Variants in CFDP1 observed in about 807,000 individuals in gnomAD.
The protein encoded by CFDP1 is heterochromatin-stabilizing protein CFDP1.
A neutral mutation model predicts 40.1 loss-of-function variants in CFDP1; 31 were observed. The observed-to-expected ratio is 0.77, with a 90% CI of 0.58 to 1.04. CFDP1 has a LOEUF of 1.04. CFDP1 is among the 50% of genes least tolerant of loss of function. CFDP1 has a pLI of 0.00. For missense variants in CFDP1, 423 were observed against 343.4 expected (o/e 1.23, Z -1.83); for synonymous variants, 167 against 120.0 (o/e 1.39, Z -2.56).
chr16:75,356,911 CT>C (rs576406459), intron 5 of CFDP1, among the ~76,000 whole-genome samples: 26 of 80,666 alleles, frequency 3.2e-4, no homozygotes, highest in East Asian at 8.8e-4. Context: ...TGCTTTCTTT[CT>C]TTTTTTTTTT....
chr16:75,356,671 C>A (rs1479901950), intron 5 of CFDP1, among the ~76,000 whole-genome samples: 1 of 152,116 alleles, frequency 6.6e-6, no homozygotes, highest in Admixed American at 6.6e-5. Context: ...ATTGACTTCT[C>A]CTTCCGAGCT....
intron 4 of CFDP1, among the ~76,000 whole-genome samples, chr16:75,404,571 C>T (rs12443834): frequency 0.52 from 78,769 of 151,860 alleles, 21,488 homozygotes; most frequent in Admixed American, 0.64. Context: ...CCCATCAATG[C>T]TGAGTCTCTT....
At chr16:75,333,316 G>A (rs1387390082) in intron 5 of CFDP1, among the ~76,000 whole-genome samples, 1 of 150,828 alleles carries the variant, frequency 6.6e-6, no homozygotes, top group Admixed American at 6.6e-5. Context: ...GTAGAGACGG[G>A]GTTTCACCGT....
chr16:75,420,010 T>C (rs2079259063), intron 1 of CFDP1, among the ~76,000 whole-genome samples: 1 of 150,418 alleles, frequency 6.6e-6, no homozygotes, highest in Non-Finnish European at 1.5e-5. Flanking sequence ...GGTCTGGGTC[T>C]GGATCCCCTT....
intron 6 of CFDP1, 38 bp downstream of exon 6, chr16:75,304,986 T>C: frequency 1.9e-6 from 3 of 1,600,384 alleles, no homozygotes; most frequent in Non-Finnish European, 2.6e-6. Flanking sequence ...TTCAGGGTTC[T>C]GAGGATTTTC....
intron 5 of CFDP1, among the ~76,000 whole-genome samples, chr16:75,347,606 G>A (rs866415412): frequency 2.2e-4 from 34 of 152,224 alleles, no homozygotes; most frequent in African/African-American, 7.2e-4. Context: ...GTGAACCCGG[G>A]AGGCGGAGGT....
intron 5 of CFDP1, among the ~76,000 whole-genome samples, chr16:75,362,478 G>A (rs2059257): frequency 0.82 from 125,230 of 152,236 alleles, 51,713 homozygotes; most frequent in Middle Eastern, 0.9. Flanking sequence ...TTCTAAATGT[G>A]TAATTACATT....
chr16:75,356,903 CTTTCTTTCTT>C (rs1234116875), intron 5 of CFDP1, among the ~76,000 whole-genome samples: 2 of 37,322 alleles, frequency 5.4e-5, no homozygotes, highest in Non-Finnish European at 1.5e-4. Context: ...GAAACAGCTG[CTTTCTTTCTT>C]TTTTTTTTTT....
chr16:75,303,147 C>T (rs1437257637), intron 6 of CFDP1, among the ~76,000 whole-genome samples: 1 of 148,784 alleles, frequency 6.7e-6, no homozygotes, highest in Non-Finnish European at 1.5e-5. Context: ...TTGCAGTGAC[C>T]CAAGATCACG....
intron 1 of CFDP1, among the ~76,000 whole-genome samples, chr16:75,418,375 G>A (rs572920461): frequency 1.9e-4 from 26 of 139,746 alleles, no homozygotes; most frequent in African/African-American, 6.5e-4. Context: ...GCACGATCTC[G>A]GCTCACTGCA....
At chr16:75,373,474 G>A (rs2078768446) in intron 5 of CFDP1, among the ~76,000 whole-genome samples, 1 of 152,088 alleles carries the variant, frequency 6.6e-6, no homozygotes, top group African/African-American at 2.4e-5. Flanking sequence ...TAATATAAAT[G>A]TCGCTAAGAT....
chr16:75,303,289 C>T (rs2078233754), intron 6 of CFDP1, among the ~76,000 whole-genome samples: 2 of 151,980 alleles, frequency 1.3e-5, no homozygotes. Context: ...TCGCTTGAAC[C>T]CGGCAGGCAG....
intron 5 of CFDP1, among the ~76,000 whole-genome samples, chr16:75,370,880 A>T (rs1289102175): frequency 6.6e-6 from 1 of 151,888 alleles, no homozygotes; most frequent in Non-Finnish European, 1.5e-5. Flanking sequence ...AAAAAGAATT[A>T]AAAAAAACTT....
intron 5 of CFDP1, among the ~76,000 whole-genome samples, chr16:75,330,590 G>A (rs748908070): frequency 3.3e-5 from 5 of 152,012 alleles, no homozygotes; most frequent in African/African-American, 4.8e-5. Context: ...ACTCCATCTC[G>A]AAACAAAAAC....
At chr16:75,342,752 G>A (rs1453188024) in intron 5 of CFDP1, among the ~76,000 whole-genome samples, 5 of 152,172 alleles carry the variant, frequency 3.3e-5, no homozygotes, top group African/African-American at 1.2e-4. Flanking sequence ...AGAAACCACA[G>A]GGCAGTGATT....
chr16:75,426,137 G>C (rs1015592185), intron 1 of CFDP1, among the ~76,000 whole-genome samples: 1 of 150,738 alleles, frequency 6.6e-6, no homozygotes, highest in African/African-American at 2.4e-5. Flanking sequence ...GATCACCTGA[G>C]GTTGGGAGTT....
At chr16:75,317,176 C>T (rs1376948481) in intron 5 of CFDP1, among the ~76,000 whole-genome samples, 2 of 152,150 alleles carry the variant, frequency 1.3e-5, no homozygotes, top group Admixed American at 1.3e-4. Context: ...GGCCTGGTGC[C>T]TGGTACGCAT....
intron 5 of CFDP1, among the ~76,000 whole-genome samples, chr16:75,394,260 G>T (rs538319361): frequency 1.3e-5 from 2 of 152,140 alleles, no homozygotes; most frequent in Non-Finnish European, 2.9e-5. Flanking sequence ...ACAGTCTTAA[G>T]CCTCTCTGAT....
At chr16:75,381,485 G>A (rs994646353) in intron 5 of CFDP1, among the ~76,000 whole-genome samples, 10 of 152,066 alleles carry the variant, frequency 6.6e-5, no homozygotes, top group African/African-American at 2.4e-4. Flanking sequence ...ACAAGAAAGG[G>A]AAAAACTAAA....
Sources: allele counts gnomAD v4.1 joint callset (sites outside exome capture counted in the v4.1 genomes callset), GRCh38; gene constraint gnomAD v4.1.1; transcripts MANE v1.5; gene names NCBI Gene and HGNC (gene_info 2026-07-23, HGNC 2026-07-21).